The following FAF1 variants were observed in gnomAD, a reference collection of about 807,000 sequenced individuals.
FAF1 encodes FAS-associated factor 1.
Under a neutral mutation model 92.5 loss-of-function variants are expected in FAF1, and 25 were observed. The observed-to-expected ratio is 0.27, with a 90% confidence interval of 0.20 to 0.38. The LOEUF (loss-of-function observed/expected upper bound fraction) is 0.38, where lower values mean the gene tolerates loss of function less well. FAF1 is among the 10% of genes least tolerant of loss of function. FAF1 has a pLI of 1.00. For missense variants in FAF1, 636 were observed against 793.3 expected, an observed-to-expected ratio of 0.80 and a Z score of 2.38; for synonymous variants, 234 against 273.2, an observed-to-expected ratio of 0.86 and a Z score of 1.42.
At chr1:50,461,241 C>A (rs942712201) in intron 18 of FAF1, among the ~76,000 whole-genome samples, 4 of 152,158 alleles carry the variant, frequency 2.6e-5, no homozygotes, top group Admixed American at 2.6e-4. Flanking sequence ...ACAGTCTGCA[C>A]CACTGATAGA....
At position 50,615,681 on chromosome 1, in the gene FAF1, T is replaced by G. The variant is rs548353825; in HGVS notation, c.745-19465A>C. On this transcript the variant is annotated intron_variant, in intron 8 of 18. Transcript: ENST00000396153. ...TGTCTTCTTTTGAGAAATGTCTGTT[T>G]ATATCCTTTATCCATTTTTTAATGG... Among the ~76,000 whole-genome samples the G allele has an allele frequency of 7.2e-5, 11 of 152,310 alleles. No homozygotes were observed. In the South Asian group the frequency reaches 1.2e-3, roughly 17 times the overall value.
At chr1:50,714,948 A>G (rs961447514) in intron 6 of FAF1, 6 of 395,862 alleles carry the variant, frequency 1.5e-5, no homozygotes, top group Non-Finnish European at 3.0e-5. Flanking sequence ...AAATTTGAAG[A>G]GAAAATGTAT....
intron 4 of FAF1, among the ~76,000 whole-genome samples, chr1:50,786,893 G>A (rs1661384525): frequency 6.6e-6 from 1 of 152,142 alleles, no homozygotes; most frequent in Non-Finnish European, 1.5e-5. Context: ...TTAAGAAAAG[G>A]AATAACATAA....
intron 1 of FAF1, among the ~76,000 whole-genome samples, chr1:50,958,545 G>T (rs1645288797): frequency 6.6e-6 from 1 of 152,056 alleles, no homozygotes; most frequent in African/African-American, 2.4e-5. Context: ...AGGCGTGGTG[G>T]CCGGCGCCTG....
chr1:50,589,908 T>C (rs1572853719), intron 9 of FAF1, among the ~76,000 whole-genome samples: 2 of 152,232 alleles, frequency 1.3e-5, no homozygotes, highest in African/African-American at 4.8e-5. Context: ...ATATCCAGTT[T>C]TCCCAGTACC....
chr1:50,531,808 T>C (rs1438763489), intron 15 of FAF1, among the ~76,000 whole-genome samples: 3 of 152,188 alleles, frequency 2.0e-5, no homozygotes, highest in Non-Finnish European at 4.4e-5. Context: ...ATTCAGTGTA[T>C]AAATATGGTT....
chr1:50,738,459 A>AG (rs1277316991), intron 6 of FAF1, among the ~76,000 whole-genome samples: 2 of 151,786 alleles, frequency 1.3e-5, no homozygotes, highest in Non-Finnish European at 2.9e-5. Context: ...AAAAAAAAAA[A>AG]AAAAATTATA....
At chr1:50,638,094 C>A (rs1240121306) in intron 8 of FAF1, among the ~76,000 whole-genome samples, 2 of 151,892 alleles carry the variant, frequency 1.3e-5, no homozygotes, top group Non-Finnish European at 2.9e-5. Context: ...TTTCTAAAAC[C>A]CATTTCAAAA....
intron 1 of FAF1, among the ~76,000 whole-genome samples, chr1:50,951,920 A>T (rs1398937600): frequency 6.6e-6 from 1 of 152,176 alleles, no homozygotes; most frequent in East Asian, 1.9e-4. Context: ...GGGATTCACA[A>T]CTCCATTTAG....
chr1:50,549,138 T>C (rs373863450), intron 13 of FAF1, among the ~76,000 whole-genome samples: 14 of 152,308 alleles, frequency 9.2e-5, no homozygotes, highest in African/African-American at 3.4e-4. Context: ...TGCCACTGTA[T>C]TATACTGCTG....
chr1:50,886,288 C>T (rs149818391), intron 1 of FAF1, among the ~76,000 whole-genome samples: 2,043 of 152,190 alleles, frequency 0.013, 24 homozygotes, highest in Admixed American at 0.021. Flanking sequence ...GAAATCCCTC[C>T]GCTTTTCTTT....
At chr1:50,473,128 C>T (rs1646597118) in intron 18 of FAF1, among the ~76,000 whole-genome samples, 1 of 152,128 alleles carries the variant, frequency 6.6e-6, no homozygotes. Context: ...CTGGCAACCA[C>T]AGGGAGATAG....
At chr1:50,665,158 C>A (rs572085923) in intron 7 of FAF1, among the ~76,000 whole-genome samples, 16 of 152,212 alleles carry the variant, frequency 1.1e-4, no homozygotes, top group African/African-American at 3.6e-4. Context: ...ATAACTGGAA[C>A]AATTATAGAA....
chr1:50,945,636 G>A (rs1645167622), intron 1 of FAF1, among the ~76,000 whole-genome samples: 1 of 152,178 alleles, frequency 6.6e-6, no homozygotes, highest in Non-Finnish European at 1.5e-5. Context: ...CTTACTAAGG[G>A]CATCTAGATG....
intron 7 of FAF1, among the ~76,000 whole-genome samples, chr1:50,690,980 T>C (rs573231174): frequency 2.6e-5 from 4 of 152,224 alleles, no homozygotes; most frequent in South Asian, 4.1e-4. Flanking sequence ...TATCCATTCA[T>C]TCATTAGTGG....
chr1:50,527,523 C>A (rs1021640025), intron 15 of FAF1, among the ~76,000 whole-genome samples: 2 of 152,132 alleles, frequency 1.3e-5, no homozygotes, highest in African/African-American at 4.8e-5. Context: ...AAATTTAACT[C>A]AGCTTGCAAA....
intron 2 of FAF1, among the ~76,000 whole-genome samples, chr1:50,803,755 CCCTTT>C (rs1662087436): frequency 6.6e-6 from 1 of 152,072 alleles, no homozygotes; most frequent in African/African-American, 2.4e-5. Context: ...CACTTTTCAA[CCCTTT>C]CCTTTCCCAA....
At chr1:50,758,447 A>G (rs1462687955) in intron 4 of FAF1, among the ~76,000 whole-genome samples, 1 of 152,198 alleles carries the variant, frequency 6.6e-6, no homozygotes, top group African/African-American at 2.4e-5. Context: ...CCTATTCTTC[A>G]TGTTATTGTT....
At chr1:50,884,010 AG>A (rs1291579166) in intron 1 of FAF1, among the ~76,000 whole-genome samples, 1 of 152,122 alleles carries the variant, frequency 6.6e-6, no homozygotes, top group African/African-American at 2.4e-5. Context: ...CTCTAATCCC[AG>A]CTACTCGGGA....
Sources: gnomAD v4.1 joint callset for allele counts (sites outside exome capture counted in the v4.1 genomes callset) on GRCh38, gnomAD v4.1.1 for gene constraint, MANE v1.5 for transcripts, NCBI Gene and HGNC (gene_info 2026-07-23, HGNC 2026-07-21) for gene names.